USH2A: variants seen among roughly 807,000 people sequenced by gnomAD.
The protein encoded by USH2A is usherin.
USH2A carries 443 observed loss-of-function variants against 538.9 expected under a neutral mutation model. That is an observed-to-expected ratio of 0.82 (90% CI 0.76 to 0.89). The LOEUF is 0.89. Ranked by LOEUF, USH2A falls within the 40% of genes least tolerant of loss-of-function variation. USH2A has a pLI of 0.00. For synonymous variants in USH2A, 2,413 were observed against 2,273.5 expected, an observed-to-expected ratio of 1.06 and a Z score of -1.75; for missense variants, 6,633 against 6,324.8, an observed-to-expected ratio of 1.05 and a Z score of -1.65.
intron 4 of USH2A, among the ~76,000 whole-genome samples, chr1:216,350,511 C>T (rs564902651): frequency 4.8e-4 from 73 of 152,188 alleles, no homozygotes; most frequent in South Asian, 8.3e-4. Flanking sequence ...CCATTCCAAA[C>T]GGGATAAATC....
Position 215,844,454 on chromosome 1 carries a change from C to G in USH2A, c.9098G>C (p.Ser3033Thr). The G allele has an allele frequency of 6.2e-7, 1 of 1,612,384 alleles. No homozygotes were observed. The highest frequency in any genetic ancestry group is 8.5e-7 in the Non-Finnish European group (1 of 1,179,818). ...MLPPEVVIIN[S>T]TAVRVIWTSP... ...TGTCCAGATGACACGTACAGCTGTACTGTTGATGATGACAACCTCTGGAGG... is the reference window on the plus strand; with the variant it reads ...TGTCCAGATGACACGTACAGCTGTAGTGTTGATGATGACAACCTCTGGAGG... Residue 3033 changes from serine (S) to threonine (T), a missense_variant, in exon 46 of 72, where the codon AGT becomes ACT. Transcript: ENST00000307340.
intron 19 of USH2A, among the ~76,000 whole-genome samples, chr1:216,193,076 T>A (rs1309974072): frequency 6.6e-6 from 1 of 152,106 alleles, no homozygotes; most frequent in Non-Finnish European, 1.5e-5. Flanking sequence ...CACCTTATTT[T>A]TTTCTTAGAA....
intron 56 of USH2A, among the ~76,000 whole-genome samples, chr1:215,761,489 A>G (rs148458500): frequency 6.6e-6 from 1 of 152,318 alleles, no homozygotes; most frequent in African/African-American, 2.4e-5. Context: ...ATGCAAAGTT[A>G]GTTCCATGGT....
At position 215,670,996 on chromosome 1, in the gene USH2A, C is replaced by T; in HGVS notation, c.14109G>A (p.Leu4703=). 1 of 1,614,140 alleles carries T rather than the reference C, an allele frequency of 6.2e-7. No individual in the cohort carries two copies. Among genetic ancestry groups the T allele is most frequent in the Non-Finnish European group, 8.5e-7 (1 of 1,180,006 alleles). ...CCTGATACTCATACTCTGTGAAAGG[C>T]AATAGTTCGGAATCTATAAAAGATG... ...SSTSFIDSEL[L]PFTEYEYQVW... Residue 4703 remains leucine (L), a synonymous_variant, in exon 64 of 72, where the codon TTG becomes TTA. Coordinates refer to ENST00000307340, the MANE Select transcript of USH2A (RefSeq NM_206933.4).
chr1:216,160,076 C>T (rs546422786), intron 21 of USH2A, among the ~76,000 whole-genome samples: 1 of 151,870 alleles, frequency 6.6e-6, no homozygotes, highest in South Asian at 2.1e-4. Flanking sequence ...AGAAATTTTT[C>T]CCCAAATTTT....
At chr1:215,882,263 T>C (rs1664930133) in intron 41 of USH2A, among the ~76,000 whole-genome samples, 1 of 152,160 alleles carries the variant, frequency 6.6e-6, no homozygotes, top group Non-Finnish European at 1.5e-5. Flanking sequence ...AGACATAAGA[T>C]TGCATAATTC....
At chr1:216,317,607 G>A (rs1006733301) in intron 9 of USH2A, among the ~76,000 whole-genome samples, 5 of 152,188 alleles carry the variant, frequency 3.3e-5, no homozygotes, top group African/African-American at 1.2e-4. Context: ...CAGCACTTTG[G>A]GAGTCCGAGG....
intron 46 of USH2A, among the ~76,000 whole-genome samples, chr1:215,839,090 C>G (rs1663606137): frequency 6.6e-6 from 1 of 152,042 alleles, no homozygotes; most frequent in Admixed American, 6.6e-5. Context: ...GTTCATAATG[C>G]TGTATGAGTT....
chr1:215,836,141 G>A lies in USH2A; in HGVS notation c.9371+1850C>T, dbSNP rs1480185830. On this transcript the variant is annotated intron_variant, in intron 47 of 71. Coordinates refer to ENST00000307340, the MANE Select transcript of USH2A (RefSeq NM_206933.4). ...GCATATTCTGTTACGTCATTCACAT[G>A]GGCTTGAGTCATGGGGATGCCAGCA... Among the ~76,000 whole-genome samples the A allele has an allele frequency of 3.3e-5, 5 of 151,658 alleles. 1 individual carries two copies. Among genetic ancestry groups the A allele is most frequent in the Admixed American group, 2.6e-4 (4 of 15,204 alleles).
In USH2A at chr1:215,763,603, T is replaced by C. The variant is rs1159350852; in HGVS notation, c.11047+3078A>G. On this transcript the variant is annotated intron_variant, in intron 56 of 71. Coordinates refer to ENST00000307340, the MANE Select transcript of USH2A (RefSeq NM_206933.4). ...TGAAAAATTGATGGAAGTTAAAACTTGAGGGGTCCATGTTGCTTTGCTAAG... is the reference window on the plus strand; with the variant it reads ...TGAAAAATTGATGGAAGTTAAAACTCGAGGGGTCCATGTTGCTTTGCTAAG... Among the ~76,000 whole-genome samples the C allele has an allele frequency of 2.6e-5, 4 of 152,066 alleles. No homozygotes were observed. In the South Asian group the frequency reaches 6.2e-4, roughly 24 times the overall value.
At chr1:216,319,780 AG>A (rs1172070781) in intron 9 of USH2A, among the ~76,000 whole-genome samples, 10 of 152,332 alleles carry the variant, frequency 6.6e-5, no homozygotes, top group African/African-American at 2.4e-4. Flanking sequence ...CTAATGTTAC[AG>A]TCAAAAGCAA....
chr1:216,422,437 A>T lies in USH2A; in HGVS notation c.-101T>A. On this transcript the variant is annotated 5_prime_UTR_variant, in exon 2 of 72. Coordinates refer to ENST00000307340, the MANE Select transcript of USH2A (RefSeq NM_206933.4). ...ACTTTGAAGCAGGGTACTTTAAGTG[A>T]TGTTGCGATACTCCATTTTCTGGAA... is the stretch of plus-strand genomic sequence containing the variant. 1 of 1,536,402 alleles carries T rather than the reference A, an allele frequency of 6.5e-7. No homozygotes were observed. The highest frequency in any genetic ancestry group is 1.2e-5 in the South Asian group (1 of 86,156).
intron 10 of USH2A, 34 bp downstream of exon 10, chr1:216,292,141 T>C (rs746079715): frequency 6.2e-7 from 1 of 1,612,140 alleles, no homozygotes; most frequent in Non-Finnish European, 8.5e-7. Context: ...CACACAGGCC[T>C]CCAAACCAAC....
At chr1:216,246,458 T>C (rs1358863446) in intron 13 of USH2A, 127 bp downstream of exon 13, 30 of 1,171,928 alleles carry the variant, frequency 2.6e-5, no homozygotes, top group Non-Finnish European at 3.6e-5. Flanking sequence ...TGGATAATGA[T>C]ATAAATACAG....
intron 9 of USH2A, among the ~76,000 whole-genome samples, chr1:216,295,851 C>T (rs1401067936): frequency 6.6e-6 from 1 of 151,904 alleles, no homozygotes; most frequent in Non-Finnish European, 1.5e-5. Context: ...AAAGGTTATT[C>T]TATTGTTCTA....
chr1:215,673,998 T>C, intron 63 of USH2A, 102 bp downstream of exon 63: 2 of 1,600,538 alleles, frequency 1.2e-6, no homozygotes, highest in Non-Finnish European at 1.7e-6. Context: ...GGGGACACCT[T>C]GCATCCCATT....
intron 3 of USH2A, among the ~76,000 whole-genome samples, chr1:216,374,867 G>C (rs1175672697): frequency 6.6e-6 from 1 of 152,026 alleles, no homozygotes; most frequent in African/African-American, 2.4e-5. Flanking sequence ...CCCCACCACA[G>C]CCCTGGAATC....
intron 21 of USH2A, among the ~76,000 whole-genome samples, chr1:216,172,462 T>C (rs758689066): frequency 2.6e-5 from 4 of 152,132 alleles, no homozygotes; most frequent in Non-Finnish European, 5.9e-5. Flanking sequence ...ACATCTTAGT[T>C]TATCTTAAAG....
chr1:216,004,667 G>T (rs1668350952), intron 32 of USH2A, among the ~76,000 whole-genome samples: 1 of 152,190 alleles, frequency 6.6e-6, no homozygotes, highest in Non-Finnish European at 1.5e-5. Context: ...TAGATAAAAG[G>T]TAAGTAGAAT....
Sources: allele counts gnomAD v4.1 joint callset (sites outside exome capture counted in the v4.1 genomes callset), GRCh38; gene constraint gnomAD v4.1.1; transcripts MANE v1.5; gene names NCBI Gene and HGNC (gene_info 2026-07-23, HGNC 2026-07-21).